The following ZNF335 variants were observed in gnomAD, a reference collection of about 807,000 sequenced individuals.
The protein encoded by ZNF335 is NRC-interacting factor 1.
ZNF335 carries 84 observed loss-of-function variants against 145.6 expected under a neutral mutation model. The ratio of observed to expected loss-of-function variants is 0.58; its 90% CI spans 0.48 to 0.69. The LOEUF is 0.69. Among genes scored for constraint, ZNF335 ranks in the 30% least tolerant of loss-of-function variants. ZNF335 has a pLI of 0.00. For synonymous variants in ZNF335, 761 were observed against 717.0 expected (o/e 1.06, Z -0.98); for missense variants, 1,865 against 1,809.7 (o/e 1.03, Z -0.55).
At chr20:45,954,730 TACAG>T (rs1026260239) in intron 17 of ZNF335, among the ~76,000 whole-genome samples, 6 of 148,906 alleles carry the variant, frequency 4.0e-5, no homozygotes, top group South Asian at 2.1e-4. Context: ...TCTCTGAACA[TACAG>T]AGAGGAGTTC....
chr20:45,955,664 C>G (rs944560475), intron 17 of ZNF335, among the ~76,000 whole-genome samples: 1 of 151,748 alleles, frequency 6.6e-6, no homozygotes, highest in East Asian at 1.9e-4. Flanking sequence ...ACTAAAAATA[C>G]AAAAAAGTAG....
At chr20:45,959,710 C>T (rs1220179466) in intron 14 of ZNF335, among the ~76,000 whole-genome samples, 1 of 152,190 alleles carries the variant, frequency 6.6e-6, no homozygotes, top group East Asian at 1.9e-4. Flanking sequence ...GCTAAGGGAA[C>T]CCCTGGCTCC....
At chr20:45,960,389 G>C in intron 13 of ZNF335, 21 bp from the exon 14 acceptor site, 6 of 1,614,200 alleles carry the variant, frequency 3.7e-6, no homozygotes, top group Non-Finnish European at 5.1e-6. Context: ...TTAGAGGGAG[G>C]GAAGCTCAGT....
chr20:45,951,513 G>A (rs937633441), intron 20 of ZNF335, among the ~76,000 whole-genome samples: 1 of 152,226 alleles, frequency 6.6e-6, no homozygotes, highest in Non-Finnish European at 1.5e-5. Context: ...GGCATGTGCA[G>A]GGTGATAGTT....
chr20:45,952,701 G>A lies in ZNF335; in HGVS notation c.2711C>T (p.Pro904Leu). 2 of 1,613,612 alleles carry A rather than the reference G, an allele frequency of 1.2e-6. No homozygotes were observed. The highest frequency in any genetic ancestry group is 1.7e-6 in the Non-Finnish European group (2 of 1,179,964). Residue 904 changes from proline to leucine, a missense_variant, in exon 19 of 28, where the codon CCC becomes CTC. By Grantham distance (98) the Pro-to-Leu change is moderately conservative. Transcript: ENST00000322927. ...SAPGTPYSEE[P>L]AGEAAQAVVV... ...CACAGCCTGGGCTGCCTCTCCTGCG[G>A]GCTCCTCGCTGTGGGCATGGAGAAG...
At chr20:45,953,598 C>T in intron 18 of ZNF335, 91 bp downstream of exon 18, 1 of 1,543,252 alleles carries the variant, frequency 6.5e-7, no homozygotes, top group South Asian at 1.2e-5. Flanking sequence ...ATTTTTGCCT[C>T]CTGCCAACTA....
rs910248655 is a variant in ZNF335, at chr20:45,969,354, G to A, written c.442+97C>T. The A allele has an allele frequency of 2.9e-6, 4 of 1,370,104 alleles. No individual in the cohort carries two copies. The African/African-American group carries it at 4.3e-5, about 15-fold the overall frequency. 84.9% of individuals were successfully genotyped at this position (1,370,104 alleles called of 1,614,324 possible). A position where few individuals can be genotyped will look rare whatever the true frequency, so the allele number is the denominator to read the frequency against. ...GTTCCCACTCTGCACATTCCACATG[G>A]GAAAGTAATCTGCCTGAGTTCACAC... On this transcript the variant is annotated intron_variant, in intron 3 of 27. Transcript: ENST00000322927.
intron 14 of ZNF335, among the ~76,000 whole-genome samples, chr20:45,959,943 G>A (rs1329166586): frequency 6.6e-6 from 1 of 152,234 alleles, no homozygotes. Context: ...CAGGCACTCT[G>A]ATTCCCCCAT....
intron 3 of ZNF335, among the ~76,000 whole-genome samples, chr20:45,969,239 T>C (rs2084013371): frequency 6.6e-6 from 1 of 152,236 alleles, no homozygotes; most frequent in South Asian, 2.1e-4. Flanking sequence ...ATATTATTTA[T>C]TGAGAGTCTG....
intron 20 of ZNF335, 142 bp from the exon 21 acceptor site, chr20:45,950,737 G>C (rs901696830): frequency 2.5e-5 from 29 of 1,141,016 alleles, no homozygotes; most frequent in Non-Finnish European, 3.2e-5. Flanking sequence ...CAAGAAGCTG[G>C]GTAGAAAGGC....
chr20:45,963,758 G>C lies in ZNF335; in HGVS notation c.1335C>G (p.Phe445Leu). ...PRRRGRPSRR[F>L]LGKKYRKYYY... is the part of the protein sequence containing the mutation. ...CATACTTGCGGTATTTCTTGCCTAG[G>C]AAGCGCCTGGAAGGTCGACCTCGGC... Residue 445 changes from phenylalanine to leucine, a missense_variant, in exon 8 of 28, where the codon TTC (phenylalanine) becomes TTG (leucine). Coordinates refer to ENST00000322927, the MANE Select transcript of ZNF335 (RefSeq NM_022095.4). 1 of 1,614,152 alleles carries C rather than the reference G, an allele frequency of 6.2e-7. No individual in the cohort carries two copies. The highest frequency in any genetic ancestry group is 8.5e-7 in the Non-Finnish European group (1 of 1,179,996).
chr20:45,961,789 A>G (rs2083847577), intron 10 of ZNF335: 1 of 372,308 alleles, frequency 2.7e-6, no homozygotes, highest in Non-Finnish European at 5.0e-6. Context: ...CTTTAGGTAC[A>G]CAATTTCCTT....
intron 2 of ZNF335, among the ~76,000 whole-genome samples, chr20:45,970,617 G>A (rs1237432828): frequency 1.3e-5 from 2 of 152,340 alleles, no homozygotes; most frequent in Non-Finnish European, 2.9e-5. Context: ...ATGTTTGCAA[G>A]AGGATGTCTG....
At chr20:45,969,887 G>T in intron 2 of ZNF335, 196 bp from the exon 3 acceptor site, 1 of 622,768 alleles carries the variant, frequency 1.6e-6, no homozygotes, top group Non-Finnish European at 2.6e-6. Flanking sequence ...AAGTCACAGG[G>T]TCCCTGGATC....
rs375336891 is a variant in ZNF335 at position 45,948,948 on chromosome 20, G to A, written c.*5C>T. The stretch of plus-strand genomic sequence containing the variant: ...AATCCATGATCTGTGTTGGGCCCTC[G>A]GGGCTCAGTCATCGGCCAGGGTGAT... On this transcript the variant is annotated 3_prime_UTR_variant, in exon 28 of 28. Coordinates refer to ENST00000322927, the MANE Select transcript of ZNF335 (RefSeq NM_022095.4). The A allele has an allele frequency of 3.2e-5, 52 of 1,613,830 alleles. 1 individual carries two copies. Among genetic ancestry groups the A allele is most frequent in the Admixed American group, 1.0e-4 (6 of 60,030 alleles).
At position 45,965,707 on chromosome 20, in the gene ZNF335, G is replaced by C. The variant is rs781326240; in HGVS notation, c.1023C>G (p.Thr341=). ...TCCTTCGGGGCCTTGGGGTACTGGGGGTGGGGCGCTGGAGCCGAAGCTGCC... is the reference window on the plus strand; with the variant it reads ...TCCTTCGGGGCCTTGGGGTACTGGGCGTGGGGCGCTGGAGCCGAAGCTGCC... ...RGRQLRLQRP[T]PSTPRPRRRP... is the part of the protein sequence containing the mutation. The change falls in exon 7 of 28, where the codon ACC becomes ACG. Residue 341 remains threonine, a synonymous_variant. Transcript: ENST00000322927. The C allele has an allele frequency of 8.1e-6, 13 of 1,605,254 alleles. No individual in the cohort carries two copies. Among genetic ancestry groups the C allele is most frequent in the Admixed American group, 1.7e-5 (1 of 59,242 alleles).
chr20:45,964,791 C>T (rs1427070333), intron 7 of ZNF335, among the ~76,000 whole-genome samples: 1 of 152,080 alleles, frequency 6.6e-6, no homozygotes, highest in Non-Finnish European at 1.5e-5. Flanking sequence ...AATCCCAGCA[C>T]TTTGGGAGGC....
At position 45,950,011 on chromosome 20, in the gene ZNF335, G is replaced by C. The variant is rs1045585960; in HGVS notation, c.3546C>G (p.Ser1182Arg). The change falls in exon 23 of 28, where the codon AGC becomes AGG. Residue 1182 changes from serine to arginine, a missense_variant. Transcript: ENST00000322927. ...CCTGGGCAACGATGATGTGTTCCTGGCTCAGTGCCTGCTGTAGCCGCTCTG... is the reference window on the plus strand; with the variant it reads ...CCTGGGCAACGATGATGTGTTCCTGCCTCAGTGCCTGCTGTAGCCGCTCTG... Reference protein sequence around the residue: ...LGPERLQQALSQEHIIVAQEQ... With the variant: ...LGPERLQQALRQEHIIVAQEQ... The C allele has an allele frequency of 6.2e-7, 1 of 1,614,012 alleles. No individual in the cohort carries two copies. The highest frequency in any genetic ancestry group is 8.5e-7 in the Non-Finnish European group (1 of 1,180,028).
intron 6 of ZNF335, among the ~76,000 whole-genome samples, chr20:45,966,130 G>C (rs1222452339): frequency 6.6e-6 from 1 of 152,104 alleles, no homozygotes; most frequent in Non-Finnish European, 1.5e-5. Flanking sequence ...GCTGCCACCA[G>C]CCATATGTAG....
Sources: gnomAD v4.1 joint callset for allele counts (sites outside exome capture counted in the v4.1 genomes callset) on GRCh38, gnomAD v4.1.1 for gene constraint, MANE v1.5 for transcripts, NCBI Gene and HGNC (gene_info 2026-07-23, HGNC 2026-07-21) for gene names.